Variants in NCOA4 observed in about 807,000 individuals in gnomAD.
NCOA4 encodes the protein 70 kDa AR-activator.
In NCOA4, 31 loss-of-function variants were observed where a neutral mutation model predicts 69.5. That is an observed-to-expected ratio of 0.45 (90% CI 0.34 to 0.60). The LOEUF (loss-of-function observed/expected upper bound fraction) is 0.60, where lower values mean the gene tolerates loss of function less well. NCOA4 is among the 20% of genes least tolerant of loss of function. The probability of loss-of-function intolerance (pLI) is 0.02; values close to 1 mark genes in which losing one functional copy is unlikely to be tolerated. For synonymous variants in NCOA4, 228 were observed against 252.4 expected (o/e 0.90, Z 0.92); for missense variants, 600 against 719.2 (o/e 0.83, Z 1.90).
At chr10:46,026,516 T>G (rs553265259) in intron 1 of NCOA4, among the ~76,000 whole-genome samples, 1 of 152,194 alleles carries the variant, frequency 6.6e-6, no homozygotes, top group East Asian at 1.9e-4. Flanking sequence ...GAGTCAAGGA[T>G]AGGAAAATAT....
chr10:46,013,636 T>G lies in NCOA4; in HGVS notation c.484A>C (p.Ile162Leu). The G allele has an allele frequency of 6.2e-7, 1 of 1,605,958 alleles. No homozygotes were observed. The highest frequency in any genetic ancestry group is 1.1e-5 in the South Asian group (1 of 89,348). Residue 162 changes from isoleucine to leucine, a missense_variant, in exon 6 of 10, where the codon ATT (isoleucine) becomes CTT (leucine). Ile to Leu is a conservative substitution (Grantham distance 5, BLOSUM62 2). Coordinates refer to ENST00000581486, the MANE Select transcript of NCOA4 (RefSeq NM_001145263.2). Reference sequence around the variant, plus strand: ...GCATGAGCCATCAAGTGCTCAGGAATTTGCTACAAAATAGAGATAATTTAA... The same window carrying G: ...GCATGAGCCATCAAGTGCTCAGGAAGTTGCTACAAAATAGAGATAATTTAA... Reference protein sequence around the residue: ...TTFGSLKTIQIPEHLMAHASS... With the variant: ...TTFGSLKTIQLPEHLMAHASS...
At position 46,013,543 on chromosome 10, in the gene NCOA4, A is replaced by G; in HGVS notation, c.570+7T>C. The stretch of plus-strand genomic sequence containing the variant: ...ACTCAATTACCAAAAACAAAATGAT[A>G]TTTTACCTGCTCTGGCATGGAGATA... On this transcript the variant is annotated splice_region_variant and intron_variant, in intron 6 of 9. Transcript: ENST00000581486. 6.3e-7 allele frequency: 1 copy of G among 1,599,280 alleles called. No individual in the cohort carries two copies. Among genetic ancestry groups the G allele is most frequent in the Non-Finnish European group, 8.6e-7 (1 of 1,167,822 alleles).
chr10:46,028,959 G>T (rs1477549633), intron 1 of NCOA4, among the ~76,000 whole-genome samples: 1 of 149,954 alleles, frequency 6.7e-6, no homozygotes, highest in Non-Finnish European at 1.5e-5. Flanking sequence ...AGGGATATGT[G>T]TCAGGATATC....
At position 46,011,064 on chromosome 10, in the gene NCOA4, T is replaced by G. The variant is rs199746901; in HGVS notation, c.857A>C (p.Glu286Ala). The G allele has an allele frequency of 6.2e-7, 1 of 1,613,990 alleles. No homozygotes were observed. The highest frequency in any genetic ancestry group is 1.3e-5 in the African/African-American group (1 of 75,038). ...STTSSFSIEM[E>A]KVGDQELPDQ... ...AGGAAGCTCTTGATCTCCAACCTTT[T>G]CCATTTCAATGGAGAAAGAACTAGT... is the stretch of plus-strand genomic sequence containing the variant. Residue 286 changes from glutamate (E) to alanine (A), a missense_variant, in exon 8 of 10, where the codon GAA becomes GCA. Transcript: ENST00000581486.
chr10:46,021,511 A>G (rs574543074), intron 1 of NCOA4, among the ~76,000 whole-genome samples: 2 of 152,332 alleles, frequency 1.3e-5, no homozygotes, highest in South Asian at 2.1e-4. Context: ...TATCACCTGT[A>G]AAGTATTTTT....
chr10:46,024,423 A>G (rs567657879), intron 1 of NCOA4, among the ~76,000 whole-genome samples: 3 of 152,256 alleles, frequency 2.0e-5, no homozygotes, highest in Non-Finnish European at 4.4e-5. Context: ...TACTTAACCA[A>G]CGGTCTCTGT....
intron 1 of NCOA4, among the ~76,000 whole-genome samples, chr10:46,023,006 T>G (rs1200685973): frequency 1.3e-5 from 2 of 152,210 alleles, no homozygotes; most frequent in Non-Finnish European, 2.9e-5. Context: ...TAGGCTCAGA[T>G]TTGTCCACCT....
intron 1 of NCOA4, among the ~76,000 whole-genome samples, chr10:46,029,967 T>C (rs1554926217): frequency 2.0e-5 from 3 of 152,198 alleles, no homozygotes; most frequent in Admixed American, 2.0e-4. Flanking sequence ...TTCGGGATTA[T>C]TGGGAGAATT....
intron 1 of NCOA4, chr10:46,027,615 A>G (rs1290589025): frequency 1.7e-5 from 13 of 758,606 alleles, no homozygotes; most frequent in Non-Finnish European, 2.8e-5. Flanking sequence ...AAAAAATGCC[A>G]TGGCCTTCTA....
chr10:46,022,468 GT>G lies in NCOA4; in HGVS notation c.-14-5775del, dbSNP rs782520160. On this transcript the variant is annotated intron_variant, in intron 1 of 9. Transcript: ENST00000581486. ...TCTTTTTTTTAAAGGTTGGTTTTGG[GT>G]TTTTTTTTTGTTTTGAGACGGAGTC... The G allele has an allele frequency of 5.5e-3, 2,272 of 411,448 alleles. 19 individuals are homozygous for G. The highest frequency in any genetic ancestry group is 0.02 in the East Asian group (260 of 12,766). 25.5% of individuals were successfully genotyped at this position (411,448 alleles called of 1,614,324 possible).
chr10:46,016,691 G>T lies in NCOA4; in HGVS notation c.-11C>A. ...TTGGAAGGTATTCATTCTCCTCACTGCTCCTTTAAAAGAAAAAAATATATA... is the reference window on the plus strand; with the variant it reads ...TTGGAAGGTATTCATTCTCCTCACTTCTCCTTTAAAAGAAAAAAATATATA... On this transcript the variant is annotated 5_prime_UTR_variant, in exon 2 of 10. Coordinates refer to ENST00000581486, the MANE Select transcript of NCOA4 (RefSeq NM_001145263.2). 1 of 1,423,444 alleles carries T rather than the reference G, an allele frequency of 7.0e-7. No individual in the cohort carries two copies. Among genetic ancestry groups the T allele is most frequent in the Non-Finnish European group, 9.3e-7 (1 of 1,075,068 alleles). The allele number at this position is 1,423,444 out of a possible 1,614,324, so 88.2% of individuals were successfully genotyped here.
chr10:46,015,470 T>C (rs984245224), intron 2 of NCOA4, among the ~76,000 whole-genome samples: 11 of 152,280 alleles, frequency 7.2e-5, no homozygotes, highest in Admixed American at 5.9e-4. Flanking sequence ...CAGGGTTTAG[T>C]GTTCCAAAGC....
intron 7 of NCOA4, among the ~76,000 whole-genome samples, chr10:46,012,316 C>T (rs1310205759): frequency 4.6e-5 from 7 of 151,936 alleles, no homozygotes; most frequent in African/African-American, 1.5e-4. Flanking sequence ...AGTCTTAAAG[C>T]GTAAGCAGAA....
intron 1 of NCOA4, among the ~76,000 whole-genome samples, chr10:46,021,817 G>T (rs1839886141): frequency 1.3e-5 from 2 of 152,222 alleles, no homozygotes; most frequent in Non-Finnish European, 1.5e-5. Flanking sequence ...AAATTAGCCG[G>T]GCGTGGTGGC....
At chr10:46,009,611 A>C in intron 8 of NCOA4, 60 bp from the exon 9 acceptor site, 1 of 1,457,320 alleles carries the variant, frequency 6.9e-7, no homozygotes, top group Non-Finnish European at 9.4e-7. Flanking sequence ...AGACCAACTT[A>C]TCTTCCAAAT....
At chr10:46,027,815 G>A (rs1301918869) in intron 1 of NCOA4, among the ~76,000 whole-genome samples, 3 of 152,182 alleles carry the variant, frequency 2.0e-5, no homozygotes, top group Admixed American at 2.0e-4. Context: ...ATATCCTAAA[G>A]AGTGACAAAT....
chr10:46,025,336 A>C lies in NCOA4; in HGVS notation c.-15+5190T>G, dbSNP rs113822291. ...CCCCAGCAGATTGGATGGTGCCCAC[A>C]CACACTGAGGGTGGATTTTCCCCAC... On this transcript the variant is annotated intron_variant, in intron 1 of 9. Transcript: ENST00000581486. Among the ~76,000 whole-genome samples, 540 of 152,288 alleles carry C rather than the reference A, an allele frequency of 3.5e-3. 2 individuals carry two copies. The highest frequency in any genetic ancestry group is 5.0e-3 in the Non-Finnish European group (341 of 68,020).
chr10:46,022,337 C>G lies in NCOA4; in HGVS notation c.-14-5643G>C, dbSNP rs1052396002. ...AATTTGGTTATCTTTGATGAGACAACCTGCATTAGACCGTCTGTAAAGCTT... is the reference window on the plus strand; with the variant it reads ...AATTTGGTTATCTTTGATGAGACAAGCTGCATTAGACCGTCTGTAAAGCTT... On this transcript the variant is annotated intron_variant, in intron 1 of 9. Transcript: ENST00000581486. 8 of 425,542 alleles carry G rather than the reference C, an allele frequency of 1.9e-5. No homozygotes were observed. In the East Asian group the frequency reaches 4.9e-4, roughly 26 times the overall value. 26.4% of individuals were successfully genotyped at this position (425,542 alleles called of 1,614,324 possible). A position where few individuals can be genotyped will look rare whatever the true frequency, so the allele number is the denominator to read the frequency against.
chr10:46,015,236 G>A lies in NCOA4; in HGVS notation c.172C>T (p.Arg58Cys), dbSNP rs1839467780. Residue 58 changes from arginine to cysteine, a missense_variant, in exon 3 of 10, where the codon CGT becomes TGT. Transcript: ENST00000581486. ...VKAQIHSCISRHLECLRSREV... is the reference protein window; with the variant it reads ...VKAQIHSCISCHLECLRSREV... Reference sequence around the variant, plus strand: ...CGGCTTCTAAGACATTCCAGGTGACGGCTTATGCAACTGTGAATCTGAGCT... The same window carrying A: ...CGGCTTCTAAGACATTCCAGGTGACAGCTTATGCAACTGTGAATCTGAGCT... 4 of 1,613,820 alleles carry A rather than the reference G, an allele frequency of 2.5e-6. No homozygotes were observed. Among genetic ancestry groups the A allele is most frequent in the South Asian group, 1.1e-5 (1 of 91,060 alleles).
Sources: gnomAD v4.1 joint callset for allele counts (sites outside exome capture counted in the v4.1 genomes callset) on GRCh38, gnomAD v4.1.1 for gene constraint, MANE v1.5 for transcripts, NCBI Gene and HGNC (gene_info 2026-07-23, HGNC 2026-07-21) for gene names.